The following AGMO variants were observed in gnomAD, a reference collection of about 807,000 sequenced individuals.
AGMO encodes the protein glyceryl-ether monooxygenase.
In AGMO, 75 loss-of-function variants were observed where a neutral mutation model predicts 60.2. The ratio of observed to expected loss-of-function variants is 1.25; its 90% CI spans 1.03 to 1.51. The LOEUF is 1.51. AGMO is among the 40% of genes most tolerant of loss of function. The probability of loss-of-function intolerance (pLI) is 0.00; values close to 1 mark genes in which losing one functional copy is unlikely to be tolerated. For missense variants in AGMO, 763 were observed against 525.5 expected (o/e 1.45, Z -4.42); for synonymous variants, 261 against 177.1 (o/e 1.47, Z -3.76).
intron 12 of AGMO, among the ~76,000 whole-genome samples, chr7:15,211,401 G>A (rs12699694): frequency 6.6e-6 from 1 of 151,794 alleles, no homozygotes; most frequent in African/African-American, 2.4e-5. Context: ...AAGTTAAAAT[G>A]ATGCCTTTAA....
chr7:15,466,919 G>A (rs1460275484), intron 3 of AGMO, among the ~76,000 whole-genome samples: 1 of 152,082 alleles, frequency 6.6e-6, no homozygotes, highest in Non-Finnish European at 1.5e-5. Flanking sequence ...CAGGGAAATG[G>A]AAAGGAGGAA....
the AGMO span, among the ~76,000 whole-genome samples, chr7:15,122,210 A>C: frequency 1.4e-4 from 22 of 152,270 alleles, no homozygotes; most frequent in African/African-American, 5.1e-4. Flanking sequence ...CAAATTTACT[A>C]GAAAAAAACA....
In AGMO at chr7:15,485,398, G is replaced by C. The variant is rs555434830; in HGVS notation, c.410-54290C>G. Among the ~76,000 whole-genome samples, 3 of 152,120 alleles carry C rather than the reference G, an allele frequency of 2.0e-5. No individual in the cohort carries two copies. The South Asian group carries it at 6.2e-4, about 32-fold the overall frequency. On this transcript the variant is annotated intron_variant, in intron 3 of 12. Coordinates refer to ENST00000342526, the MANE Select transcript of AGMO (RefSeq NM_001004320.2). ...AGAGTAAATGAAGAGAGATACAAAAGTGATTGTCAACAATATCAGTTCAGA... is the reference window on the plus strand; with the variant it reads ...AGAGTAAATGAAGAGAGATACAAAACTGATTGTCAACAATATCAGTTCAGA...
intron 3 of AGMO, among the ~76,000 whole-genome samples, chr7:15,460,858 T>C (rs1452793648): frequency 2.0e-5 from 3 of 152,162 alleles, no homozygotes. Context: ...TAATCTGAAT[T>C]CTTGATAAAG....
At chr7:15,227,335 C>T (rs543619171) in intron 12 of AGMO, among the ~76,000 whole-genome samples, 7 of 152,070 alleles carry the variant, frequency 4.6e-5, no homozygotes, top group East Asian at 1.9e-4. Flanking sequence ...TGTAAGGCAA[C>T]GCTGTAACCA....
intron 12 of AGMO, among the ~76,000 whole-genome samples, chr7:15,222,025 G>T (rs1046674368): frequency 6.6e-6 from 1 of 152,186 alleles, no homozygotes; most frequent in Admixed American, 6.5e-5. Context: ...TCAGTTTGGA[G>T]AGTAAAACTT....
intron 3 of AGMO, among the ~76,000 whole-genome samples, chr7:15,480,316 CTT>C (rs1282205325): frequency 6.6e-6 from 1 of 152,040 alleles, no homozygotes; most frequent in Admixed American, 6.6e-5. Flanking sequence ...GGTTGAGAGT[CTT>C]ATGATTAATG....
At chr7:15,146,019 A>T in the AGMO span, among the ~76,000 whole-genome samples, 2 of 152,142 alleles carry the variant, frequency 1.3e-5, no homozygotes, top group Admixed American at 1.3e-4. Context: ...ATTTTTATTC[A>T]TGGAATGAGT....
chr7:15,370,367 T>C (rs912722933), intron 10 of AGMO, among the ~76,000 whole-genome samples: 3 of 152,162 alleles, frequency 2.0e-5, no homozygotes, highest in Non-Finnish European at 4.4e-5. Context: ...TGAACATGAG[T>C]GCATGTGTCT....
intron 12 of AGMO, among the ~76,000 whole-genome samples, chr7:15,341,200 T>C (rs1278798890): frequency 6.6e-6 from 1 of 152,206 alleles, no homozygotes; most frequent in South Asian, 2.1e-4. Context: ...GAAATTTCTC[T>C]CCAGAAAATG....
At chr7:15,365,380 T>TAA (rs60202363) in intron 12 of AGMO, 134 bp downstream of exon 12, 82 of 223,850 alleles carry the variant, frequency 3.7e-4, no homozygotes, top group East Asian at 5.6e-4. Flanking sequence ...TACTGGTAAG[T>TAA]AAAAAAAAAA....
chr7:15,287,240 T>TA (rs968914871), intron 12 of AGMO, among the ~76,000 whole-genome samples: 1 of 152,232 alleles, frequency 6.6e-6, no homozygotes, highest in African/African-American at 2.4e-5. Flanking sequence ...ATATATTTTT[T>TA]AAAAAACATG....
At chr7:15,297,357 G>A (rs546460505) in intron 12 of AGMO, among the ~76,000 whole-genome samples, 1 of 152,210 alleles carries the variant, frequency 6.6e-6, no homozygotes, top group South Asian at 2.1e-4. Context: ...TTTTACTATT[G>A]TAGTTATTGG....
At chr7:15,198,856 A>C (rs1469075266), downstream of AGMO, among the ~76,000 whole-genome samples, 1 of 152,170 alleles carries the variant, frequency 6.6e-6, no homozygotes, top group East Asian at 1.9e-4. Context: ...CTGAGGTTTC[A>C]CAATAATGAT....
intron 12 of AGMO, among the ~76,000 whole-genome samples, chr7:15,208,019 A>T (rs1781485773): frequency 6.6e-6 from 1 of 152,202 alleles, no homozygotes; most frequent in Admixed American, 6.5e-5. Flanking sequence ...ACTTAGAGAC[A>T]ACCAAACTTG....
intron 3 of AGMO, among the ~76,000 whole-genome samples, chr7:15,472,713 A>T (rs1031153745): frequency 6.6e-6 from 1 of 151,990 alleles, no homozygotes; most frequent in Non-Finnish European, 1.5e-5. Context: ...TATTTAAAGG[A>T]ACATTGTTGT....
rs376485428 is a variant in AGMO at position 15,298,495 on chromosome 7, G to C, written c.1263+67019C>G. On this transcript the variant is annotated intron_variant, in intron 12 of 12. Transcript: ENST00000342526. ...CTGCAGCCTTGACCTCCTGGGCTCA[G>C]GTGATCCTCTCACCTAAGCCTCCCA... Among the ~76,000 whole-genome samples the C allele has an allele frequency of 7.2e-5, 11 of 152,148 alleles. No individual in the cohort carries two copies. In the East Asian group the frequency reaches 1.7e-3, roughly 24 times the overall value.
chr7:15,144,944 C>CTCAG, the AGMO span, among the ~76,000 whole-genome samples: 1 of 152,206 alleles, frequency 6.6e-6, no homozygotes, highest in Non-Finnish European at 1.5e-5. Flanking sequence ...ATTCTCCTGC[C>CTCAG]TCAGCCTCCC....
At chr7:15,339,215 A>G (rs1172271563) in intron 12 of AGMO, among the ~76,000 whole-genome samples, 7 of 152,290 alleles carry the variant, frequency 4.6e-5, no homozygotes, top group Admixed American at 1.3e-4. Context: ...TGATCAATTC[A>G]TGCTGAGGGG....
Sources: gnomAD v4.1 joint callset for allele counts (sites outside exome capture counted in the v4.1 genomes callset) on GRCh38, gnomAD v4.1.1 for gene constraint, MANE v1.5 for transcripts, NCBI Gene and HGNC (gene_info 2026-07-23, HGNC 2026-07-21) for gene names.